Variants in GALNT2 observed in about 807,000 individuals in gnomAD.
GALNT2 encodes polypeptide N-acetylgalactosaminyltransferase 2.
GALNT2 carries 31 observed loss-of-function variants against 81.4 expected under a neutral mutation model. The observed-to-expected ratio is 0.38, with a 90% CI of 0.29 to 0.51. The LOEUF (loss-of-function observed/expected upper bound fraction) is 0.51. Ranked by LOEUF, GALNT2 falls within the 20% of genes least tolerant of loss-of-function variation. The pLI, the probability that GALNT2 is intolerant of heterozygous loss-of-function variation, is 0.87. For missense variants in GALNT2, 629 were observed against 765.7 expected (o/e 0.82, Z 2.11); for synonymous variants, 303 against 287.4 (o/e 1.05, Z -0.55).
chr1:230,110,637 G>A (rs1018045029), intron 1 of GALNT2, among the ~76,000 whole-genome samples: 51 of 151,788 alleles, frequency 3.4e-4, no homozygotes, highest in African/African-American at 1.2e-3. Flanking sequence ...GCTGGAGTGC[G>A]CTGTTATATT....
intron 1 of GALNT2, among the ~76,000 whole-genome samples, chr1:230,132,675 C>T (rs1405464990): frequency 6.6e-6 from 1 of 152,166 alleles, no homozygotes; most frequent in African/African-American, 2.4e-5. Flanking sequence ...TTTCTTGAAG[C>T]AGGTACAAAC....
At chr1:230,128,273 G>GTGTGTGTGTGTGTGTGTGTGTA (rs1661256165) in intron 1 of GALNT2, among the ~76,000 whole-genome samples, 1 of 152,114 alleles carries the variant, frequency 6.6e-6, no homozygotes, top group African/African-American at 2.4e-5. Context: ...GTGTGTGTGT[G>GTGTGTGTGTGTGTGTGTGTGTA]TGTGGTTATG....
intron 2 of GALNT2, among the ~76,000 whole-genome samples, chr1:230,185,265 C>CGTGTGT: frequency 6.8e-6 from 1 of 147,904 alleles, no homozygotes; most frequent in African/African-American, 2.5e-5. Flanking sequence ...TTAAACTGTG[C>CGTGTGT]GTGCGTGCGT....
Position 230,279,498 on chromosome 1 carries a change from T to C in GALNT2, c.*40T>C, listed in dbSNP as rs2273968. 0.12 allele frequency: 187,734 copies of C among 1,593,976 alleles called. 14,109 individuals carry two copies. The highest frequency in any genetic ancestry group is 0.42 in the East Asian group (18,834 of 44,478). ...CCCTGCCGTCCTGTCTCCTGCACCA[T>C]TGGGTGGAGTCTGGTGATCACATTA... On this transcript the variant is annotated 3_prime_UTR_variant, in exon 16 of 16. Transcript: ENST00000366672. The surrounding 1 kb of genome is among the most constrained non-coding windows in gnomAD (Gnocchi z 4.6).
chr1:230,218,007 G>T (rs1664440665), intron 3 of GALNT2, among the ~76,000 whole-genome samples: 1 of 152,114 alleles, frequency 6.6e-6, no homozygotes. Context: ...CCTGAATTAG[G>T]CCTCTAAAGG....
At chr1:230,094,992 A>G (rs1459414761) in intron 1 of GALNT2, among the ~76,000 whole-genome samples, 1 of 152,180 alleles carries the variant, frequency 6.6e-6, no homozygotes, top group African/African-American at 2.4e-5. Context: ...GGCCGCGATG[A>G]TGTCGTAGTT....
chr1:230,230,271 CAG>C (rs1040981335), intron 3 of GALNT2, among the ~76,000 whole-genome samples: 83 of 152,062 alleles, frequency 5.5e-4, no homozygotes, highest in African/African-American at 2.0e-3. Context: ...GTTTGTATCT[CAG>C]GGGCAGACTC....
chr1:230,098,532 A>G (rs1660314968), intron 1 of GALNT2, among the ~76,000 whole-genome samples: 1 of 151,810 alleles, frequency 6.6e-6, no homozygotes, highest in African/African-American at 2.4e-5. Flanking sequence ...GAGACCTACA[A>G]GCAGAAGCCG....
chr1:230,107,610 T>TTGTGTGTGTGTGTGTG (rs3033608), intron 1 of GALNT2, among the ~76,000 whole-genome samples: 2,863 of 141,036 alleles, frequency 0.02, 42 homozygotes, highest in South Asian at 0.049. Flanking sequence ...CTCATGGACT[T>TTGTGTGTGTGTGTGTG]TGTGTGTGTG....
At chr1:230,179,791 A>G (rs1283716140) in intron 2 of GALNT2, among the ~76,000 whole-genome samples, 2 of 152,204 alleles carry the variant, frequency 1.3e-5, no homozygotes, top group African/African-American at 4.8e-5. Flanking sequence ...TTAATTGATT[A>G]AAATCTGGCT....
At chr1:230,113,391 T>C (rs969190400) in intron 1 of GALNT2, among the ~76,000 whole-genome samples, 1 of 152,060 alleles carries the variant, frequency 6.6e-6, no homozygotes, top group African/African-American at 2.4e-5. Context: ...GCGGGCAAAC[T>C]CCAGTTTATA....
At chr1:230,130,451 T>G (rs1489239991) in intron 1 of GALNT2, among the ~76,000 whole-genome samples, 1 of 152,142 alleles carries the variant, frequency 6.6e-6, no homozygotes, top group Non-Finnish European at 1.5e-5. Flanking sequence ...CAGCCGGTTG[T>G]GAAGGGTTTG....
At chr1:230,174,942 C>G (rs1662913338) in intron 1 of GALNT2, among the ~76,000 whole-genome samples, 1 of 152,218 alleles carries the variant, frequency 6.6e-6, no homozygotes, top group African/African-American at 2.4e-5. Context: ...GTACAGCCTT[C>G]CTGGGGGCCC....
At chr1:230,233,799 A>G (rs1389572413) in intron 3 of GALNT2, among the ~76,000 whole-genome samples, 1 of 152,226 alleles carries the variant, frequency 6.6e-6, no homozygotes, top group Non-Finnish European at 1.5e-5. Context: ...CACACAAAAT[A>G]TGAGACTCAA....
At chr1:230,120,786 A>G (rs1191131387) in intron 1 of GALNT2, among the ~76,000 whole-genome samples, 1 of 152,074 alleles carries the variant, frequency 6.6e-6, no homozygotes, top group African/African-American at 2.4e-5. Context: ...CTTTCCAGTG[A>G]CTGTGGCCCC....
intron 3 of GALNT2, among the ~76,000 whole-genome samples, chr1:230,210,095 G>A (rs764484769): frequency 1.3e-5 from 2 of 152,176 alleles, no homozygotes; most frequent in Non-Finnish European, 2.9e-5. Context: ...AGTGAGTGTC[G>A]TCAGGCTGGA....
chr1:230,205,275 C>A, intron 3 of GALNT2, among the ~76,000 whole-genome samples: 1 of 152,124 alleles, frequency 6.6e-6, no homozygotes, highest in African/African-American at 2.4e-5. Context: ...TAACAGCTTT[C>A]TTTGGGTTCT....
At chr1:230,228,050 G>A (rs1227028266) in intron 3 of GALNT2, among the ~76,000 whole-genome samples, 1 of 152,080 alleles carries the variant, frequency 6.6e-6, no homozygotes, top group Non-Finnish European at 1.5e-5. Flanking sequence ...ACCGGTATCA[G>A]TAACGGCCAA....
intron 2 of GALNT2, among the ~76,000 whole-genome samples, chr1:230,189,452 G>A (rs978573739): frequency 5.9e-5 from 9 of 152,210 alleles, no homozygotes; most frequent in Non-Finnish European, 1.3e-4. Context: ...CTTAAATCCA[G>A]GGTGTGAATT....
Sources: allele counts gnomAD v4.1 joint callset (sites outside exome capture counted in the v4.1 genomes callset), GRCh38; gene constraint gnomAD v4.1.1; non-coding constraint Gnocchi (gnomAD v3.1); transcripts MANE v1.5; gene names NCBI Gene and HGNC (gene_info 2026-07-23, HGNC 2026-07-21).